The following CLNK variants were observed in gnomAD, a reference collection of about 807,000 sequenced individuals.
The protein encoded by CLNK is cytokine-dependent hematopoietic cell linker.
CLNK carries 74 observed loss-of-function variants against 68.6 expected under a neutral mutation model. The ratio of observed to expected loss-of-function variants is 1.08; its 90% confidence interval spans 0.89 to 1.31. The LOEUF (loss-of-function observed/expected upper bound fraction) is 1.31, where lower values mean the gene tolerates loss of function less well. Ranked by LOEUF, CLNK falls within the 50% of genes most tolerant of loss-of-function variation. The pLI is 0.00. For missense variants in CLNK, 553 were observed against 515.3 expected (o/e 1.07, Z -0.71); for synonymous variants, 198 against 172.2 (o/e 1.15, Z -1.17).
rs199736872 is a variant in CLNK at position 10,678,696 on chromosome 4, A to G, written c.-43+5972T>C. 2.0e-5 allele frequency among the ~76,000 whole-genome samples: 3 copies of G among 152,084 alleles called. No homozygotes were observed. The South Asian group carries it at 6.2e-4, about 32-fold the overall frequency. On this transcript the variant is annotated intron_variant, in intron 1 of 18. Coordinates refer to ENST00000226951, the MANE Select transcript of CLNK (RefSeq NM_052964.4). The stretch of plus-strand genomic sequence containing the variant: ...AGCAAAGTCTCAGGATACAAAATCA[A>G]TGTGCAAAAATCACTAGCATTCTTA...
intron 8 of CLNK, among the ~76,000 whole-genome samples, chr4:10,543,276 G>C (rs562338078): frequency 1.3e-4 from 20 of 152,312 alleles, no homozygotes; most frequent in African/African-American, 4.6e-4. Flanking sequence ...CCTTGGAAAA[G>C]CAATGTTTGA....
chr4:10,514,932 C>T (rs1364227997), intron 15 of CLNK, among the ~76,000 whole-genome samples: 1 of 152,146 alleles, frequency 6.6e-6, no homozygotes, highest in Non-Finnish European at 1.5e-5. Flanking sequence ...ATCCCAGAGT[C>T]ATCTTTTAAG....
Position 10,662,557 on chromosome 4 carries a change from A to ACTT in CLNK, c.11+5299_11+5301dup, listed in dbSNP as rs1724235824. Among the ~76,000 whole-genome samples the ACTT allele has an allele frequency of 2.0e-5, 3 of 152,300 alleles. No homozygotes were observed. The South Asian group carries it at 6.2e-4, about 32-fold the overall frequency. On this transcript the variant is annotated intron_variant, in intron 2 of 18. Transcript: ENST00000226951. ...CCTTTCAGTATTTCAAAGCCTTTTG[A>ACTT]CTTTGAAATTGTGGAGAAGGGGTGA...
At chr4:10,637,978 A>G (rs1019497651) in intron 2 of CLNK, among the ~76,000 whole-genome samples, 1 of 152,132 alleles carries the variant, frequency 6.6e-6, no homozygotes, top group Admixed American at 6.5e-5. Flanking sequence ...TGAATTAACC[A>G]GAAAATTAAA....
At chr4:10,583,009 C>G (rs1414539303) in intron 4 of CLNK, among the ~76,000 whole-genome samples, 1 of 152,196 alleles carries the variant, frequency 6.6e-6, no homozygotes, top group African/African-American at 2.4e-5. Flanking sequence ...TCAACATCAT[C>G]ATTTTAATGG....
chr4:10,581,372 G>GGA (rs1191892065), intron 4 of CLNK, among the ~76,000 whole-genome samples: 2 of 152,008 alleles, frequency 1.3e-5, no homozygotes, highest in Admixed American at 6.6e-5. Context: ...TAAAGAGAGA[G>GGA]GAGAGAGAGA....
chr4:10,674,824 C>G (rs1391644775), intron 1 of CLNK, among the ~76,000 whole-genome samples: 2 of 152,178 alleles, frequency 1.3e-5, no homozygotes, highest in Non-Finnish European at 2.9e-5. Flanking sequence ...TTTCATTGTT[C>G]AACCCCCATT....
At chr4:10,606,059 AT>A (rs570870886) in intron 2 of CLNK, among the ~76,000 whole-genome samples, 1 of 151,986 alleles carries the variant, frequency 6.6e-6, no homozygotes, top group Non-Finnish European at 1.5e-5. Flanking sequence ...GCTTACTGTA[AT>A]TTTTTATGTT....
chr4:10,617,547 G>A (rs1012368831), intron 2 of CLNK, among the ~76,000 whole-genome samples: 1 of 152,178 alleles, frequency 6.6e-6, no homozygotes, highest in Non-Finnish European at 1.5e-5. Flanking sequence ...ACACTTGGTA[G>A]TTATGCAAAA....
intron 1 of CLNK, among the ~76,000 whole-genome samples, chr4:10,680,836 A>T (rs1413214632): frequency 6.6e-6 from 1 of 152,102 alleles, no homozygotes; most frequent in Non-Finnish European, 1.5e-5. Context: ...TCCATGTCTC[A>T]ACGACTGGAT....
chr4:10,660,890 C>T (rs1198823234), intron 2 of CLNK, among the ~76,000 whole-genome samples: 1 of 152,230 alleles, frequency 6.6e-6, no homozygotes, highest in Non-Finnish European at 1.5e-5. Flanking sequence ...CAGCTTGCAG[C>T]TTTTTAATTA....
At chr4:10,595,929 A>G (rs777637880) in intron 3 of CLNK, among the ~76,000 whole-genome samples, 1 of 152,230 alleles carries the variant, frequency 6.6e-6, no homozygotes, top group Non-Finnish European at 1.5e-5. Context: ...AACCTACTCT[A>G]TTCCCAGCAC....
chr4:10,708,396 T>A, the CLNK span, among the ~76,000 whole-genome samples: 2 of 152,208 alleles, frequency 1.3e-5, no homozygotes, highest in African/African-American at 4.8e-5. Context: ...TTTTTTTTTC[T>A]ATTTTACAAA....
intron 2 of CLNK, among the ~76,000 whole-genome samples, chr4:10,630,517 G>A (rs548102436): frequency 5.3e-5 from 8 of 151,896 alleles, no homozygotes; most frequent in Admixed American, 5.2e-4. Flanking sequence ...AAAAATTTTG[G>A]AGCCACTGTC....
intron 4 of CLNK, among the ~76,000 whole-genome samples, chr4:10,574,961 T>A (rs1405115031): frequency 6.6e-6 from 1 of 152,166 alleles, no homozygotes; most frequent in African/African-American, 2.4e-5. Context: ...GGGACAGGAA[T>A]TGCTCACTTG....
chr4:10,673,735 A>G (rs1724757888), intron 1 of CLNK, among the ~76,000 whole-genome samples: 1 of 151,508 alleles, frequency 6.6e-6, no homozygotes, highest in Non-Finnish European at 1.5e-5. Flanking sequence ...AAAAGAAGTA[A>G]CCCCAACTCC....
chr4:10,501,122 G>T, intron 18 of CLNK, 134 bp downstream of exon 18: 1 of 852,004 alleles, frequency 1.2e-6, no homozygotes, highest in Non-Finnish European at 1.7e-6. Flanking sequence ...GATATTTGTG[G>T]AAGGGGTGGG....
intron 10 of CLNK, among the ~76,000 whole-genome samples, chr4:10,541,276 T>C (rs1719013016): frequency 6.6e-6 from 1 of 151,524 alleles, no homozygotes; most frequent in African/African-American, 2.4e-5. Context: ...TCAGTGAATG[T>C]CTCACTCACT....
At chr4:10,539,670 G>A (rs759215366) in intron 11 of CLNK, among the ~76,000 whole-genome samples, 14 of 152,218 alleles carry the variant, frequency 9.2e-5, no homozygotes, top group Non-Finnish European at 1.3e-4. Context: ...TGTCCCACAC[G>A]TTTGGGAATG....
Sources: gnomAD v4.1 joint callset for allele counts (sites outside exome capture counted in the v4.1 genomes callset) on GRCh38, gnomAD v4.1.1 for gene constraint, MANE v1.5 for transcripts, NCBI Gene and HGNC (gene_info 2026-07-23, HGNC 2026-07-21) for gene names.